The following CHL1 variants were observed in gnomAD, a reference collection of about 807,000 sequenced individuals.
The protein encoded by CHL1 is cell adhesion molecule L1 like.
CHL1 carries 96 observed loss-of-function variants against 141.9 expected under a neutral mutation model. The ratio of observed to expected loss-of-function variants is 0.68; its 90% CI spans 0.57 to 0.80. CHL1 has a LOEUF of 0.80. Ranked by LOEUF, CHL1 falls within the 30% of genes least tolerant of loss-of-function variation. The pLI, the probability that CHL1 is intolerant of heterozygous loss-of-function variation, is 0.00. For synonymous variants in CHL1, 613 were observed against 502.2 expected, an observed-to-expected ratio of 1.22 and a Z score of -2.95; for missense variants, 1,820 against 1,457.2, an observed-to-expected ratio of 1.25 and a Z score of -4.05.
At chr3:394,063 T>C (rs1302499603) in intron 23 of CHL1, among the ~76,000 whole-genome samples, 1 of 152,230 alleles carries the variant, frequency 6.6e-6, no homozygotes, top group Admixed American at 6.5e-5. Flanking sequence ...ACAAATCTCA[T>C]GTCTTTGCTG....
At chr3:305,727 G>A (rs567613434) in intron 2 of CHL1, among the ~76,000 whole-genome samples, 1 of 151,408 alleles carries the variant, frequency 6.6e-6, no homozygotes, top group Non-Finnish European at 1.5e-5. Flanking sequence ...AAATATAAAT[G>A]TCTGGAAGTG....
intron 12 of CHL1, 69 bp downstream of exon 12, chr3:360,493 A>G: frequency 2.0e-6 from 3 of 1,514,428 alleles, no homozygotes; most frequent in Non-Finnish European, 2.7e-6. Context: ...CATGTTCAGA[A>G]GTGTATTAAC....
chr3:268,123 A>G (rs940948014), intron 2 of CHL1, among the ~76,000 whole-genome samples: 1 of 152,238 alleles, frequency 6.6e-6, no homozygotes, highest in African/African-American at 2.4e-5. Flanking sequence ...TCCTTTACAT[A>G]AAAATGAAAG....
intron 5 of CHL1, among the ~76,000 whole-genome samples, chr3:333,050 C>T (rs1474050081): frequency 6.7e-6 from 1 of 148,184 alleles, no homozygotes; most frequent in African/African-American, 2.5e-5. Context: ...ATAATTCTGA[C>T]CAGAATATGA....
At chr3:260,312 C>G (rs753486263) in intron 2 of CHL1, among the ~76,000 whole-genome samples, 5 of 151,066 alleles carry the variant, frequency 3.3e-5, no homozygotes, top group Admixed American at 2.0e-4. Context: ...TGGCCATCTT[C>G]CTTTACATTC....
chr3:338,612 A>G (rs1702121492), intron 5 of CHL1, among the ~76,000 whole-genome samples: 1 of 152,234 alleles, frequency 6.6e-6, no homozygotes, highest in South Asian at 2.1e-4. Context: ...TGAAAAATTA[A>G]TGCCATTTAT....
chr3:255,325 A>T (rs1041534486), intron 2 of CHL1, among the ~76,000 whole-genome samples: 3 of 152,196 alleles, frequency 2.0e-5, no homozygotes, highest in African/African-American at 7.2e-5. Context: ...AACAGGGAAG[A>T]CTTCCTAGAG....
chr3:332,055 C>A (rs776570059), intron 5 of CHL1, among the ~76,000 whole-genome samples: 3 of 152,222 alleles, frequency 2.0e-5, no homozygotes, highest in Admixed American at 6.5e-5. Context: ...TTACTTATGA[C>A]CAAACAATTC....
At chr3:205,027 A>G (rs1699283555) in intron 1 of CHL1, among the ~76,000 whole-genome samples, 1 of 151,932 alleles carries the variant, frequency 6.6e-6, no homozygotes, top group Admixed American at 6.6e-5. Context: ...ATCATCTTAG[A>G]TATCCTAATT....
intron 9 of CHL1, among the ~76,000 whole-genome samples, chr3:345,450 A>G (rs1702685549): frequency 7.3e-6 from 1 of 136,604 alleles, no homozygotes; most frequent in Non-Finnish European, 1.7e-5. Flanking sequence ...CCATTTATTT[A>G]TTTATTTATT....
intron 1 of CHL1, among the ~76,000 whole-genome samples, chr3:238,151 G>C (rs1692176839): frequency 6.6e-6 from 1 of 152,112 alleles, no homozygotes; most frequent in Non-Finnish European, 1.5e-5. Context: ...CTTTTTAAAA[G>C]ATACAGTCAT....
chr3:343,577 C>A (rs1315026453), intron 8 of CHL1, among the ~76,000 whole-genome samples: 1 of 152,152 alleles, frequency 6.6e-6, no homozygotes, highest in African/African-American at 2.4e-5. Context: ...AACTTGTGTT[C>A]TATGGAAAAT....
chr3:202,229 T>G (rs1018172183), intron 1 of CHL1, among the ~76,000 whole-genome samples: 1 of 152,186 alleles, frequency 6.6e-6, no homozygotes, highest in African/African-American at 2.4e-5. Flanking sequence ...GCAGACAGAT[T>G]AGTAGCACGG....
chr3:235,977 G>A (rs1167240709), intron 1 of CHL1, among the ~76,000 whole-genome samples: 1 of 152,136 alleles, frequency 6.6e-6, no homozygotes, highest in African/African-American at 2.4e-5. Context: ...ATTTGGTATT[G>A]GTGCTGGGAT....
intron 2 of CHL1, among the ~76,000 whole-genome samples, chr3:310,823 A>G (rs531845874): frequency 6.6e-6 from 1 of 152,322 alleles, no homozygotes; most frequent in Non-Finnish European, 1.5e-5. Flanking sequence ...AGTGACACAT[A>G]TCCACAATTG....
At chr3:233,728 C>A (rs1691640865) in intron 1 of CHL1, among the ~76,000 whole-genome samples, 1 of 152,032 alleles carries the variant, frequency 6.6e-6, no homozygotes, top group African/African-American at 2.4e-5. Flanking sequence ...AAAGTCTCAG[C>A]ATTCAATATT....
chr3:376,696 T>C (rs1706370085), intron 15 of CHL1, among the ~76,000 whole-genome samples: 1 of 152,230 alleles, frequency 6.6e-6, no homozygotes, highest in South Asian at 2.1e-4. Flanking sequence ...TCTAAGAAGG[T>C]ACATTTTTCA....
intron 10 of CHL1, among the ~76,000 whole-genome samples, chr3:353,096 T>G (rs899931476): frequency 5.3e-5 from 8 of 152,208 alleles, no homozygotes; most frequent in Non-Finnish European, 8.8e-5. Flanking sequence ...TTGGATGACG[T>G]GATAATTTGG....
chr3:314,327 G>GTATATATA (rs1410311860), intron 2 of CHL1, among the ~76,000 whole-genome samples: 56 of 57,026 alleles, frequency 9.8e-4, no homozygotes, highest in African/African-American at 2.5e-3. Context: ...CTCTCTCTAT[G>GTATATATA]TGTATATATA....
Sources: gnomAD v4.1 joint callset for allele counts (sites outside exome capture counted in the v4.1 genomes callset) on GRCh38, gnomAD v4.1.1 for gene constraint, MANE v1.5 for transcripts, NCBI Gene and HGNC (gene_info 2026-07-23, HGNC 2026-07-21) for gene names.